Variants in PDE9A observed in about 807,000 individuals in gnomAD.
PDE9A encodes phosphodiesterase 9A.
PDE9A carries 60 observed loss-of-function variants against 87.4 expected under a neutral mutation model. The ratio of observed to expected loss-of-function variants is 0.69; its 90% confidence interval spans 0.56 to 0.85. The LOEUF (loss-of-function observed/expected upper bound fraction) is 0.85. PDE9A is among the 40% of genes least tolerant of loss of function. The pLI is 0.00. For missense variants in PDE9A, 665 were observed against 779.0 expected (o/e 0.85, Z 1.74); for synonymous variants, 272 against 279.4 (o/e 0.97, Z 0.27).
At chr21:42,663,061 CACTT>C (rs201762954) in intron 1 of PDE9A, among the ~76,000 whole-genome samples, 13,538 of 148,466 alleles carry the variant, frequency 0.091, 1,775 homozygotes, top group African/African-American at 0.3. Context: ...GCACACACCA[CACTT>C]ACACACATGC....
chr21:42,726,610 A>ATTTTT (rs2051090413), intron 4 of PDE9A, among the ~76,000 whole-genome samples: 2 of 23,610 alleles, frequency 8.5e-5, no homozygotes, highest in South Asian at 1.7e-3. Context: ...ATATATATAT[A>ATTTTT]TATATATATA....
rs943523252 is a variant in PDE9A, at chr21:42,723,905, G to T, written c.263-7865G>T. ...AGACACTATCAACGTGAAATGACTT[G>T]AATAGGCTTTAATTTTTAAAATTCA... On this transcript the variant is annotated intron_variant, in intron 4 of 19. Coordinates refer to ENST00000291539, the MANE Select transcript of PDE9A (RefSeq NM_002606.3). This position sits in a 1 kb window ranked among gnomAD's most constrained non-coding sequence, Gnocchi z 4.3. Among the ~76,000 whole-genome samples the T allele has an allele frequency of 2.6e-5, 4 of 152,204 alleles. No homozygotes were observed. Among genetic ancestry groups the T allele is most frequent in the African/African-American group, 9.7e-5 (4 of 41,448 alleles).
intron 1 of PDE9A, among the ~76,000 whole-genome samples, chr21:42,663,525 G>T (rs531261094): frequency 6.6e-6 from 1 of 152,206 alleles, no homozygotes; most frequent in East Asian, 1.9e-4. Context: ...TTATCTCATT[G>T]CCCGATGTGA....
intron 4 of PDE9A, among the ~76,000 whole-genome samples, chr21:42,717,294 C>CTTT (rs57599893): frequency 2.7e-4 from 23 of 85,178 alleles, no homozygotes; most frequent in Non-Finnish European, 4.4e-4. Context: ...TGGAACATGC[C>CTTT]TTTTTTTTTT....
At chr21:42,774,913 T>C (rs2057368592) in intron 19 of PDE9A, among the ~76,000 whole-genome samples, 1 of 147,978 alleles carries the variant, frequency 6.8e-6, no homozygotes, top group Non-Finnish European at 1.5e-5. Context: ...TGTATAATCC[T>C]GTAACGTTTC....
rs1430500601 is a variant in PDE9A at position 42,695,452 on chromosome 21, G to T, written c.219-3516G>T. Among the ~76,000 whole-genome samples the T allele has an allele frequency of 2.0e-5, 3 of 152,330 alleles. No homozygotes were observed. The highest frequency in any genetic ancestry group is 7.2e-5 in the African/African-American group (3 of 41,564). On this transcript the variant is annotated intron_variant, in intron 3 of 19. Transcript: ENST00000291539. This position sits in a 1 kb window ranked among gnomAD's most constrained non-coding sequence, Gnocchi z 4.3. Reference sequence around the variant, plus strand: ...GATAAATCAGACACCTCAGTAGCGTGAGTGAAAGTGGGGTGTGTGGTGAGA... The same window carrying T: ...GATAAATCAGACACCTCAGTAGCGTTAGTGAAAGTGGGGTGTGTGGTGAGA...
At chr21:42,684,039 C>T (rs2059312514) in intron 1 of PDE9A, among the ~76,000 whole-genome samples, 1 of 152,256 alleles carries the variant, frequency 6.6e-6, no homozygotes, top group African/African-American at 2.4e-5. Context: ...AGAAACACAT[C>T]TTTGAGCAGT....
Position 42,743,817 on chromosome 21 carries a change from G to T in PDE9A, c.610G>T (p.Asp204Tyr). The T allele has an allele frequency of 6.3e-7, 1 of 1,593,634 alleles. No homozygotes were observed. The highest frequency in any genetic ancestry group is 1.1e-5 in the South Asian group (1 of 87,604). Residue 204 changes from aspartate to tyrosine, a missense_variant, in exon 8 of 20, where the codon GAC becomes TAC. Physicochemically the swap from Asp to Tyr is radical, Grantham distance 160. Transcript: ENST00000291539. ...KVVEIEKCKS[D>Y]IKKMREELAA... Reference sequence around the variant, plus strand: ...GGTGGAGATTGAGAAATGCAAGAGTGACATTAAGAAGATGAGGGAGGAGCT... The same window carrying T: ...GGTGGAGATTGAGAAATGCAAGAGTTACATTAAGAAGATGAGGGAGGAGCT...
At chr21:42,734,335 C>G (rs2052161258) in intron 7 of PDE9A, 1 of 152,218 alleles carries the variant, frequency 6.6e-6, no homozygotes, top group Admixed American at 6.5e-5. Context: ...GTCACCCACC[C>G]TTTTTGTCCT....
intron 19 of PDE9A, 26 bp from the exon 20 acceptor site, chr21:42,775,254 A>G (rs1302350635): frequency 1.2e-6 from 2 of 1,611,756 alleles, no homozygotes; most frequent in East Asian, 2.2e-5. Context: ...ACAAAAACAA[A>G]TCAGTCATCG....
At chr21:42,679,875 A>G (rs902925827) in intron 1 of PDE9A, among the ~76,000 whole-genome samples, 1 of 152,118 alleles carries the variant, frequency 6.6e-6, no homozygotes, top group Non-Finnish European at 1.5e-5. Flanking sequence ...TGTTTCTTCT[A>G]AGTGTGCCAG....
rs541174069 is a variant in PDE9A at position 42,706,118 on chromosome 21, G to T, written c.262+7107G>T. Among the ~76,000 whole-genome samples, 153 of 152,292 alleles carry T rather than the reference G, an allele frequency of 1.0e-3. 1 individual carries two copies. Among genetic ancestry groups the T allele is most frequent in the African/African-American group, 3.4e-3 (141 of 41,560 alleles). On this transcript the variant is annotated intron_variant, in intron 4 of 19. Transcript: ENST00000291539. ...AACATGCATGTGGAGAGGTTTTGGGGGCAGCCATGGAACCCCGGAGCTGCC... is the reference window on the plus strand; with the variant it reads ...AACATGCATGTGGAGAGGTTTTGGGTGCAGCCATGGAACCCCGGAGCTGCC...
Position 42,659,113 on chromosome 21 carries a change from A to G in PDE9A, c.69+5230A>G, listed in dbSNP as rs2057301266. ...GCAGGTGCTGTCTCGGAGAGGGCAC[A>G]GGAAACTGGGCCCTTCCCAATTTTA... is the stretch of plus-strand genomic sequence containing the variant. On this transcript the variant is annotated intron_variant, in intron 1 of 19. Coordinates refer to ENST00000291539, the MANE Select transcript of PDE9A (RefSeq NM_002606.3). The surrounding 1 kb of genome is among the most constrained non-coding windows in gnomAD (Gnocchi z 4.1). Among the ~76,000 whole-genome samples the G allele has an allele frequency of 3.9e-5, 6 of 152,230 alleles. No homozygotes were observed. In the South Asian group the frequency reaches 1.2e-3, roughly 32 times the overall value.
intron 13 of PDE9A, among the ~76,000 whole-genome samples, chr21:42,761,878 A>C (rs2269166): frequency 0.36 from 53,938 of 150,560 alleles, 9,723 homozygotes; most frequent in South Asian, 0.55. Flanking sequence ...GTGGGACTGC[A>C]GGAGCATGGG....
chr21:42,732,783 A>G (rs907666991), intron 6 of PDE9A, among the ~76,000 whole-genome samples: 5 of 152,138 alleles, frequency 3.3e-5, no homozygotes, highest in East Asian at 1.9e-4. Flanking sequence ...GCGTGGTGGC[A>G]CATGCCTGTA....
chr21:42,672,920 C>G (rs1480414538), intron 1 of PDE9A, among the ~76,000 whole-genome samples: 1 of 152,108 alleles, frequency 6.6e-6, no homozygotes, highest in Non-Finnish European at 1.5e-5. Context: ...ATTGAAACAC[C>G]CAGAAATGCT....
chr21:42,694,910 C>G lies in PDE9A; in HGVS notation c.219-4058C>G, dbSNP rs1251058332. 6.6e-6 allele frequency among the ~76,000 whole-genome samples: 1 copy of G among 152,194 alleles called. No homozygotes were observed. Among genetic ancestry groups the G allele is most frequent in the Non-Finnish European group, 1.5e-5 (1 of 68,042 alleles). ...CCAATCTGCTGAGCTGCATGAATGC[C>G]CACCCCAGCCCAGCGGGCACTCCCC... is the stretch of plus-strand genomic sequence containing the variant. On this transcript the variant is annotated intron_variant, in intron 3 of 19. Coordinates refer to ENST00000291539, the MANE Select transcript of PDE9A (RefSeq NM_002606.3). This position sits in a 1 kb window ranked among gnomAD's most constrained non-coding sequence, Gnocchi z 5.3.
intron 19 of PDE9A, 63 bp from the exon 20 acceptor site, chr21:42,775,217 G>T: frequency 6.4e-7 from 1 of 1,554,776 alleles, no homozygotes. Context: ...TGGGATTAAA[G>T]GTGTGAGCCA....
At chr21:42,764,811 A>T (rs35486101) in intron 14 of PDE9A, among the ~76,000 whole-genome samples, 5,422 of 152,356 alleles carry the variant, frequency 0.036, 147 homozygotes, top group Middle Eastern at 0.095. Flanking sequence ...AAAATTGAAT[A>T]ATTCAAGATA....
Sources: allele counts gnomAD v4.1 joint callset (sites outside exome capture counted in the v4.1 genomes callset), GRCh38; gene constraint gnomAD v4.1.1; non-coding constraint Gnocchi (gnomAD v3.1); transcripts MANE v1.5; gene names NCBI Gene and HGNC (gene_info 2026-07-23, HGNC 2026-07-21).